ANO10: variants seen among roughly 807,000 people sequenced by gnomAD.
ANO10 encodes the protein anoctamin 10, also known as anoctamin-10.
ANO10 carries 77 observed loss-of-function variants against 74.7 expected under a neutral mutation model. The observed-to-expected ratio is 1.03, with a 90% CI of 0.86 to 1.25. The LOEUF (loss-of-function observed/expected upper bound fraction) is 1.25. Among genes scored for constraint, ANO10 ranks in the 50% most tolerant of loss-of-function variants. The pLI, the probability that ANO10 is intolerant of heterozygous loss-of-function variation, is 0.00. For missense variants in ANO10, 721 were observed against 778.1 expected (o/e 0.93, Z 0.87); for synonymous variants, 279 against 284.9 (o/e 0.98, Z 0.21).
At chr3:43,409,721 TAAC>T (rs948294072) in intron 12 of ANO10, among the ~76,000 whole-genome samples, 7 of 152,160 alleles carry the variant, frequency 4.6e-5, no homozygotes, top group South Asian at 4.1e-4. Context: ...CTTTTAATAA[TAAC>T]AACAAAAGAA....
At chr3:43,579,108 A>G (rs1421571197) in intron 5 of ANO10, among the ~76,000 whole-genome samples, 2 of 152,186 alleles carry the variant, frequency 1.3e-5, no homozygotes, top group Non-Finnish European at 2.9e-5. Context: ...AAAAAATGAT[A>G]GTAATGCAAA....
intron 1 of ANO10, among the ~76,000 whole-genome samples, chr3:43,645,787 G>C (rs996301216): frequency 1.3e-5 from 2 of 152,068 alleles, no homozygotes; most frequent in African/African-American, 2.4e-5. Context: ...CTCTGGCAAA[G>C]TTATTTAAGT....
At chr3:43,636,906 A>G (rs1050247219) in intron 1 of ANO10, among the ~76,000 whole-genome samples, 1 of 152,198 alleles carries the variant, frequency 6.6e-6, no homozygotes, top group Non-Finnish European at 1.5e-5. Context: ...GCTCAGGCCT[A>G]TAATCCCAGC....
At chr3:43,472,287 T>C (rs1036796885) in intron 11 of ANO10, among the ~76,000 whole-genome samples, 2 of 152,172 alleles carry the variant, frequency 1.3e-5, no homozygotes, top group Non-Finnish European at 2.9e-5. Flanking sequence ...ACTGTTCTAT[T>C]TCTTAATTTT....
chr3:43,503,461 A>G (rs2077171538), intron 11 of ANO10, among the ~76,000 whole-genome samples: 1 of 152,216 alleles, frequency 6.6e-6, no homozygotes, highest in South Asian at 2.1e-4. Context: ...CCATAGATCA[A>G]ATGTGATGGC....
At chr3:43,623,429 G>T (rs2083460462), upstream of ANO10, among the ~76,000 whole-genome samples, 2 of 152,154 alleles carry the variant, frequency 1.3e-5, no homozygotes, top group African/African-American at 4.8e-5. Context: ...TCAGTTTCAA[G>T]CATCCACTGT....
chr3:43,664,202 A>G (rs2083960306), intron 1 of ANO10, among the ~76,000 whole-genome samples: 1 of 152,158 alleles, frequency 6.6e-6, no homozygotes, highest in Admixed American at 6.5e-5. Context: ...AGTAGAACAG[A>G]ACGGAGTCCT....
intron 1 of ANO10, among the ~76,000 whole-genome samples, chr3:43,664,584 G>C (rs554794296): frequency 6.6e-6 from 1 of 152,152 alleles, no homozygotes; most frequent in Non-Finnish European, 1.5e-5. Flanking sequence ...TATCATCAGA[G>C]TGAACAGGCA....
intron 11 of ANO10, among the ~76,000 whole-genome samples, chr3:43,458,106 C>T (rs1022402898): frequency 1.3e-5 from 2 of 152,176 alleles, no homozygotes; most frequent in Admixed American, 1.3e-4. Context: ...TTGTTCCTAG[C>T]TTGTTAACCT....
At chr3:43,554,476 A>G (rs112772426) in intron 10 of ANO10, among the ~76,000 whole-genome samples, 2,710 of 152,268 alleles carry the variant, frequency 0.018, 70 homozygotes, top group African/African-American at 0.06. Flanking sequence ...TACAGGTGTG[A>G]GCCACCATAC....
chr3:43,641,458 A>G (rs4234430), intron 1 of ANO10, among the ~76,000 whole-genome samples: 120,966 of 152,202 alleles, frequency 0.79, 48,978 homozygotes, highest in African/African-American at 0.94. Flanking sequence ...ATAGAGCCCA[A>G]TGAGAACCTG....
At chr3:43,485,732 C>A (rs1038624451) in intron 11 of ANO10, 4 of 217,408 alleles carry the variant, frequency 1.8e-5, no homozygotes, top group Admixed American at 1.7e-4. Context: ...TTGTCTTTAA[C>A]TGAGATACGA....
chr3:43,588,703 A>G (rs1461941918), intron 4 of ANO10, among the ~76,000 whole-genome samples: 1 of 152,198 alleles, frequency 6.6e-6, no homozygotes, highest in African/African-American at 2.4e-5. Flanking sequence ...TGCAAACTAA[A>G]ATAAGGCAAG....
intron 1 of ANO10, among the ~76,000 whole-genome samples, chr3:43,641,119 T>C (rs1357373696): frequency 6.6e-6 from 1 of 152,244 alleles, no homozygotes; most frequent in Non-Finnish European, 1.5e-5. Context: ...TAAAATTATA[T>C]ACCAAAATAT....
chr3:43,440,426 A>G (rs1382987401), intron 11 of ANO10, among the ~76,000 whole-genome samples: 1 of 152,208 alleles, frequency 6.6e-6, no homozygotes, highest in Non-Finnish European at 1.5e-5. Context: ...GACAAAATAG[A>G]CTTTAATTAA....
chr3:43,510,246 A>G (rs2077458027), intron 11 of ANO10, among the ~76,000 whole-genome samples: 1 of 152,090 alleles, frequency 6.6e-6, no homozygotes, highest in Non-Finnish European at 1.5e-5. Context: ...CCTGGCCAAC[A>G]TGGTGAAACC....
rs1234155658 is a variant in ANO10, at chr3:43,549,865, T to A, written c.1669-17A>T. The A allele has an allele frequency of 6.2e-7, 1 of 1,613,324 alleles. No homozygotes were observed. Among genetic ancestry groups the A allele is most frequent in the African/African-American group, 1.3e-5 (1 of 74,906 alleles). ...AAAAGCCAACTAAAAGAAAAAAGAATGGAAATTAAAAATTGCAATGACTGC... is the reference window on the plus strand; with the variant it reads ...AAAAGCCAACTAAAAGAAAAAAGAAAGGAAATTAAAAATTGCAATGACTGC... On this transcript the variant is annotated splice_polypyrimidine_tract_variant and intron_variant, in intron 10 of 12. Transcript: ENST00000292246.
chr3:43,599,950 G>C (rs1331972731), intron 3 of ANO10, among the ~76,000 whole-genome samples: 5 of 151,062 alleles, frequency 3.3e-5, no homozygotes, highest in African/African-American at 1.2e-4. Flanking sequence ...GGTGTATTTT[G>C]TTGACTTAGA....
intron 10 of ANO10, 36 bp downstream of exon 10, chr3:43,555,242 T>C: frequency 6.2e-7 from 1 of 1,601,872 alleles, no homozygotes; most frequent in Non-Finnish European, 8.6e-7. Context: ...CGTATTTTTA[T>C]TTTTTAAAGG....
Sources: allele counts gnomAD v4.1 joint callset (sites outside exome capture counted in the v4.1 genomes callset), GRCh38; gene constraint gnomAD v4.1.1; transcripts MANE v1.5; gene names NCBI Gene and HGNC (gene_info 2026-07-23, HGNC 2026-07-21).